The following NDRG1 variants were observed in gnomAD, a reference collection of about 807,000 sequenced individuals.
NDRG1 encodes the protein N-myc downstream regulated 1.
A neutral mutation model predicts 56.9 loss-of-function variants in NDRG1; 32 were observed. The ratio of observed to expected loss-of-function variants is 0.56; its 90% CI spans 0.42 to 0.76. NDRG1 has a LOEUF of 0.76. Ranked by LOEUF, NDRG1 falls within the 30% of genes least tolerant of loss-of-function variation. The pLI is 0.00. For missense variants in NDRG1, 507 were observed against 545.7 expected (o/e 0.93, Z 0.71); for synonymous variants, 211 against 204.1 (o/e 1.03, Z -0.29).
chr8:133,255,295 G>A (rs1411152062), intron 8 of NDRG1: 1 of 456,162 alleles, frequency 2.2e-6, no homozygotes, highest in Non-Finnish European at 4.4e-6. Context: ...TTCTAATCTG[G>A]AACTGGGAGT....
intron 11 of NDRG1, 147 bp from the exon 12 acceptor site, chr8:133,248,073 T>C (rs1855792168): frequency 1.3e-6 from 1 of 766,096 alleles, no homozygotes; most frequent in African/African-American, 1.7e-5. Context: ...TCATTCTCCT[T>C]TGATCTTAGG....
intron 4 of NDRG1, among the ~76,000 whole-genome samples, chr8:133,263,212 CAG>C (rs752541050): frequency 6.6e-6 from 1 of 152,114 alleles, no homozygotes; most frequent in African/African-American, 2.4e-5. Flanking sequence ...GGGAAACAGA[CAG>C]GGGAAGAAGT....
At chr8:133,253,125 C>T (rs556794392) in intron 9 of NDRG1, among the ~76,000 whole-genome samples, 1 of 152,238 alleles carries the variant, frequency 6.6e-6, no homozygotes, top group Non-Finnish European at 1.5e-5. Flanking sequence ...CAACCAAGCC[C>T]ATGGCATACC....
At position 133,262,111 on chromosome 8, in the gene NDRG1, G is replaced by T. The variant is rs1423438801; in HGVS notation, c.262C>A (p.His88Asn). 1.8e-5 allele frequency: 29 copies of T among 1,614,228 alleles called. No individual in the cohort carries two copies. The highest frequency in any genetic ancestry group is 2.5e-5 in the Non-Finnish European group (29 of 1,180,042). Residue 88 changes from histidine (H) to asparagine (N), a missense_variant, in exon 5 of 16, where the codon CAC becomes AAC. His to Asn is a moderately conservative substitution (Grantham distance 68). Transcript: ENST00000323851. The stretch of plus-strand genomic sequence containing the variant: ...GCGTCCACGTGGCAGACGGCAAAGT[G>T]CTGGGTGATCTCCTGCATGTCCTCG... ...NYEDMQEITQ[H>N]FAVCHVDAPG... is the part of the protein sequence containing the mutation.
intron 3 of NDRG1, among the ~76,000 whole-genome samples, chr8:133,268,392 C>T (rs571972691): frequency 6.6e-6 from 1 of 152,300 alleles, no homozygotes; most frequent in African/African-American, 2.4e-5. Context: ...ACCCTGGCTG[C>T]TGCCTCATCA....
intron 2 of NDRG1, among the ~76,000 whole-genome samples, chr8:133,282,363 T>C (rs1416091393): frequency 3.3e-5 from 5 of 152,224 alleles, no homozygotes; most frequent in Non-Finnish European, 5.9e-5. Context: ...TGTGTTCATA[T>C]ACTGGGCACT....
At chr8:133,244,127 T>C (rs1217655901) in intron 14 of NDRG1, among the ~76,000 whole-genome samples, 1 of 152,182 alleles carries the variant, frequency 6.6e-6, no homozygotes, top group Non-Finnish European at 1.5e-5. Flanking sequence ...CCAAGGTGTG[T>C]CTACTTGGCA....
chr8:133,246,150 A>T (rs1855666535), intron 13 of NDRG1, among the ~76,000 whole-genome samples: 1 of 152,280 alleles, frequency 6.6e-6, no homozygotes, highest in Non-Finnish European at 1.5e-5. Context: ...GCAATCAGTC[A>T]TAACTGGCAA....
rs1425462398 is a variant in NDRG1 at position 133,284,340 on chromosome 8, A to G, written c.-18-11T>C. 3 of 1,613,848 alleles carry G rather than the reference A, an allele frequency of 1.9e-6. No individual in the cohort carries two copies. The highest frequency in any genetic ancestry group is 2.2e-5 in the East Asian group (1 of 44,876). ...CCTGCTGTCACCTGCCTGCAAGGAG[A>G]CAAAGGCCAAAAGGTCAACACTTCC... On this transcript the variant is annotated splice_polypyrimidine_tract_variant and intron_variant, in intron 1 of 15. Transcript: ENST00000323851.
intron 7 of NDRG1, 82 bp downstream of exon 7, chr8:133,258,284 G>A (rs1856483453): frequency 6.9e-7 from 1 of 1,447,116 alleles, no homozygotes; most frequent in Non-Finnish European, 9.5e-7. Context: ...TCCCTTTTGG[G>A]TTTTTGATGC....
At chr8:133,254,698 TC>T in intron 8 of NDRG1, 103 bp from the exon 9 acceptor site, 1 of 1,149,484 alleles carries the variant, frequency 8.7e-7, no homozygotes, top group Non-Finnish European at 1.3e-6. Context: ...ATTGCTGGAC[TC>T]CCCCCTACAT....
intron 2 of NDRG1, among the ~76,000 whole-genome samples, chr8:133,283,984 C>T (rs980347297): frequency 2.0e-5 from 3 of 152,198 alleles, no homozygotes; most frequent in East Asian, 3.8e-4. Context: ...GCCCAGCCCT[C>T]GATCCTATGG....
chr8:133,249,755 G>A (rs1212381351), intron 10 of NDRG1, among the ~76,000 whole-genome samples: 1 of 152,250 alleles, frequency 6.6e-6, no homozygotes, highest in African/African-American at 2.4e-5. Flanking sequence ...AAAGGAGGCA[G>A]ATACTAAGCT....
chr8:133,271,420 C>A (rs1857178950), intron 3 of NDRG1, among the ~76,000 whole-genome samples: 1 of 152,146 alleles, frequency 6.6e-6, no homozygotes. Context: ...ACCATCTTTT[C>A]ATAAAATGAT....
At chr8:133,240,684 C>A (rs1855329504) in intron 15 of NDRG1, 1 of 152,224 alleles carries the variant, frequency 6.6e-6, no homozygotes, top group Non-Finnish European at 1.5e-5. Context: ...CCAAGACCTG[C>A]AGGAGGCTTC....
chr8:133,240,817 G>A (rs541186445), intron 15 of NDRG1: 1 of 152,420 alleles, frequency 6.6e-6, no homozygotes, highest in South Asian at 2.1e-4. Context: ...ACAAATGGGA[G>A]CCACAATTCA....
At chr8:133,272,851 G>A (rs117759181) in intron 3 of NDRG1, among the ~76,000 whole-genome samples, 1 of 152,164 alleles carries the variant, frequency 6.6e-6, no homozygotes, top group Admixed American at 6.5e-5. Flanking sequence ...TCTGAGTTCT[G>A]CCCACCTTCA....
intron 2 of NDRG1, among the ~76,000 whole-genome samples, chr8:133,283,014 A>G (rs1450772769): frequency 6.6e-6 from 1 of 152,262 alleles, no homozygotes; most frequent in Non-Finnish European, 1.5e-5. Context: ...TTTGTAAAGA[A>G]AAGTCTATGA....
intron 2 of NDRG1, among the ~76,000 whole-genome samples, chr8:133,282,114 T>C (rs543376204): frequency 6.6e-6 from 1 of 152,370 alleles, no homozygotes; most frequent in Non-Finnish European, 1.5e-5. Context: ...TAACCCTGAA[T>C]GGGCAAGCTC....
Sources: gnomAD v4.1 joint callset for allele counts (sites outside exome capture counted in the v4.1 genomes callset) on GRCh38, gnomAD v4.1.1 for gene constraint, MANE v1.5 for transcripts, NCBI Gene and HGNC (gene_info 2026-07-23, HGNC 2026-07-21) for gene names.